SLCO1B3: variants seen among roughly 807,000 people sequenced by gnomAD.
SLCO1B3 encodes solute carrier organic anion transporter family member 1B3, also known as liver-specific organic anion transporter 2.
A neutral mutation model predicts 71.8 loss-of-function variants in SLCO1B3; 72 were observed. That is an observed-to-expected ratio of 1.00 (90% CI 0.83 to 1.22). The LOEUF is 1.22. Among genes scored for constraint, SLCO1B3 ranks in the 50% most tolerant of loss-of-function variants. The probability of loss-of-function intolerance (pLI) is 0.00; values close to 1 mark genes in which losing one functional copy is unlikely to be tolerated. For missense variants in SLCO1B3, 911 were observed against 819.7 expected, an observed-to-expected ratio of 1.11 and a Z score of -1.36; for synonymous variants, 298 against 278.4, an observed-to-expected ratio of 1.07 and a Z score of -0.70.
intron 3 of SLCO1B3, among the ~76,000 whole-genome samples, chr12:20,840,390 A>ATTTTTTTT (rs199898909): frequency 7.1e-6 from 1 of 140,998 alleles, no homozygotes; most frequent in East Asian, 2.1e-4. Context: ...ATGCTTCTCA[A>ATTTTTTTT]TTTTTTTTTT....
chr12:20,812,666 A>G (rs188761141), intron 1 of SLCO1B3, among the ~76,000 whole-genome samples: 6 of 152,310 alleles, frequency 3.9e-5, no homozygotes, highest in Admixed American at 3.9e-4. Context: ...TGTAAGAGGG[A>G]TCTTTGAATG....
chr12:20,869,453 G>C (rs7953968), intron 8 of SLCO1B3, among the ~76,000 whole-genome samples: 110,178 of 152,096 alleles, frequency 0.72, 42,508 homozygotes, highest in South Asian at 0.9. Context: ...AATGATTAAT[G>C]ATATTCATAT....
At chr12:20,845,300 C>T (rs1380215527) in intron 3 of SLCO1B3, 4 of 239,162 alleles carry the variant, frequency 1.7e-5, no homozygotes, top group South Asian at 1.2e-4. Flanking sequence ...AAGGTTTGAC[C>T]CTGATCAACA....
intron 3 of SLCO1B3, among the ~76,000 whole-genome samples, chr12:20,824,017 C>T (rs1199718540): frequency 6.6e-6 from 1 of 152,276 alleles, no homozygotes; most frequent in South Asian, 2.1e-4. Flanking sequence ...TCTTATTAAA[C>T]TTATGCAAAT....
At chr12:20,868,127 A>G (rs1351418790) in intron 8 of SLCO1B3, among the ~76,000 whole-genome samples, 1 of 152,200 alleles carries the variant, frequency 6.6e-6, no homozygotes, top group African/African-American at 2.4e-5. Context: ...AGCATGCAAA[A>G]TATATGTTGA....
intron 13 of SLCO1B3, among the ~76,000 whole-genome samples, chr12:20,886,829 T>G (rs920424344): frequency 6.6e-6 from 1 of 151,972 alleles, no homozygotes; most frequent in African/African-American, 2.4e-5. Context: ...ATCGTGTACT[T>G]TATATTCAAT....
At chr12:20,855,311 T>A (rs1865111562) in intron 4 of SLCO1B3, 142 bp downstream of exon 4, 1 of 729,998 alleles carries the variant, frequency 1.4e-6, no homozygotes, top group Non-Finnish European at 2.2e-6. Context: ...AGGATATTTT[T>A]GTTGCTATAA....
chr12:20,914,456 A>G (rs9651815), intron 15 of SLCO1B3, among the ~76,000 whole-genome samples: 4,516 of 152,130 alleles, frequency 0.03, 186 homozygotes, highest in East Asian at 0.099. Context: ...CATTTACTCC[A>G]CTTACTGTAA....
chr12:20,886,510 T>C (rs1309562881), intron 13 of SLCO1B3, among the ~76,000 whole-genome samples: 1 of 151,892 alleles, frequency 6.6e-6, no homozygotes, highest in Non-Finnish European at 1.5e-5. Context: ...TGAGGAAAAT[T>C]GGGAAAGGAT....
intron 14 of SLCO1B3, among the ~76,000 whole-genome samples, chr12:20,900,778 A>T (rs1026950077): frequency 6.6e-6 from 1 of 152,176 alleles, no homozygotes; most frequent in Admixed American, 6.5e-5. Flanking sequence ...CTGAGCCTAG[A>T]AGGAAGTAAA....
chr12:20,883,261 A>G (rs535837234), intron 12 of SLCO1B3, among the ~76,000 whole-genome samples, 157 bp from the exon 13 acceptor site: 1 of 152,320 alleles, frequency 6.6e-6, no homozygotes, highest in East Asian at 1.9e-4. Context: ...AAATTCAGGG[A>G]GCTATTTTGC....
chr12:20,812,528 T>G (rs544819790), intron 1 of SLCO1B3, among the ~76,000 whole-genome samples: 1 of 152,290 alleles, frequency 6.6e-6, no homozygotes, highest in South Asian at 2.1e-4. Context: ...GGTAGAGAGC[T>G]TTTCTGTTGG....
chr12:20,902,565 G>A (rs543764653), intron 15 of SLCO1B3, among the ~76,000 whole-genome samples: 6 of 152,310 alleles, frequency 3.9e-5, no homozygotes, highest in African/African-American at 1.4e-4. Context: ...GGTGCAGAGT[G>A]AGAGGAGGGT....
intron 4 of SLCO1B3, among the ~76,000 whole-genome samples, chr12:20,858,222 T>C (rs1865179547): frequency 6.6e-6 from 1 of 152,138 alleles, no homozygotes; most frequent in Admixed American, 6.5e-5. Flanking sequence ...ATTACCCAAG[T>C]GCTTTCTTTG....
rs142573756 is a variant in SLCO1B3, at chr12:20,867,282, G to A, written c.727+4428G>A. Among the ~76,000 whole-genome samples, 275 of 152,244 alleles carry A rather than the reference G, an allele frequency of 1.8e-3. 1 individual carries two copies. The highest frequency in any genetic ancestry group is 3.1e-3 in the Non-Finnish European group (208 of 67,994). On this transcript the variant is annotated intron_variant, in intron 8 of 15. Transcript: ENST00000381545. Reference sequence around the variant, plus strand: ...TATAAAAGTCTGAAAAGATTACACCGTTGAAGTCGCCATCATTGTTATGTA... The same window carrying A: ...TATAAAAGTCTGAAAAGATTACACCATTGAAGTCGCCATCATTGTTATGTA...
intron 14 of SLCO1B3, among the ~76,000 whole-genome samples, chr12:20,899,170 G>A (rs1468022335): frequency 6.6e-6 from 1 of 152,178 alleles, no homozygotes; most frequent in African/African-American, 2.4e-5. Context: ...CAAAAGTGAT[G>A]AGAAAAGATT....
Position 20,904,058 on chromosome 12 carries a change from T to A in SLCO1B3, c.1865+2591T>A. On this transcript the variant is annotated intron_variant, in intron 15 of 15. Transcript: ENST00000381545. The stretch of plus-strand genomic sequence containing the variant: ...ATTGAGACCATCCTGGTTAACACGG[T>A]GAAACCTCATCTTTACTAAAAATAC... 1.3e-5 allele frequency among the ~76,000 whole-genome samples: 2 copies of A among 151,934 alleles called. 1 individual carries two copies. Among genetic ancestry groups the A allele is most frequent in the Non-Finnish European group, 2.9e-5 (2 of 67,972 alleles).
chr12:20,847,215 G>T (rs375293933), intron 3 of SLCO1B3, among the ~76,000 whole-genome samples: 37 of 91,652 alleles, frequency 4.0e-4, no homozygotes, highest in African/African-American at 9.5e-4. Flanking sequence ...AAAGGTGGAA[G>T]AATTAAAAAA....
intron 9 of SLCO1B3, among the ~76,000 whole-genome samples, chr12:20,876,827 C>T (rs1865589215): frequency 6.6e-6 from 1 of 151,994 alleles, no homozygotes; most frequent in African/African-American, 2.4e-5. Context: ...AAATCCATAA[C>T]AATTGATGAA....
Sources: gnomAD v4.1 joint callset for allele counts (sites outside exome capture counted in the v4.1 genomes callset) on GRCh38, gnomAD v4.1.1 for gene constraint, MANE v1.5 for transcripts, NCBI Gene and HGNC (gene_info 2026-07-23, HGNC 2026-07-21) for gene names.